The following POMGNT1 variants were observed in gnomAD, a reference collection of about 807,000 sequenced individuals.
The protein encoded by POMGNT1 is protein O-linked-mannose beta-1,2-N-acetylglucosaminyltransferase 1.
A neutral mutation model predicts 95.6 loss-of-function variants in POMGNT1; 67 were observed. The observed-to-expected ratio is 0.70, with a 90% CI of 0.58 to 0.86. The LOEUF is 0.86. Among genes scored for constraint, POMGNT1 ranks in the 40% least tolerant of loss-of-function variants. POMGNT1 has a pLI of 0.00. For synonymous variants in POMGNT1, 298 were observed against 317.9 expected (o/e 0.94, Z 0.66); for missense variants, 719 against 855.2 (o/e 0.84, Z 1.99).
Position 46,197,786 on chromosome 1 carries a change from G to A in POMGNT1, c.36C>T (p.Pro12=). The A allele has an allele frequency of 6.2e-7, 1 of 1,614,176 alleles. No homozygotes were observed. The highest frequency in any genetic ancestry group is 8.5e-7 in the Non-Finnish European group (1 of 1,180,022). The change falls in exon 2 of 22, where the codon CCC becomes CCT. Residue 12 remains proline, a synonymous_variant. Coordinates refer to ENST00000371984, the MANE Select transcript of POMGNT1 (RefSeq NM_017739.4). The part of the protein sequence containing the change: ...DDWKPSPLIK[P]FGARKKRSWY... ...AGCTCCGCTTCTTCCGAGCCCCAAA[G>A]GGCTTGATGAGGGGGCTGGGCTTCC... is the stretch of plus-strand genomic sequence containing the variant.
chr1:46,201,130 CAAAA>C (rs1004457806), upstream of POMGNT1, among the ~76,000 whole-genome samples: 1 of 145,674 alleles, frequency 6.9e-6, no homozygotes, highest in Non-Finnish European at 1.5e-5. Flanking sequence ...GACTCTGTCT[CAAAA>C]AAAAAAGACA....
chr1:46,215,225 CAA>C (rs35554687), intron 1 of POMGNT1, among the ~76,000 whole-genome samples: 38 of 75,586 alleles, frequency 5.0e-4, no homozygotes, highest in Middle Eastern at 8.5e-3. Context: ...AACTCTGTCT[CAA>C]AAAAAAAAAA....
chr1:46,195,105 A>G, intron 6 of POMGNT1, 144 bp from the exon 7 acceptor site: 1 of 771,322 alleles, frequency 1.3e-6, no homozygotes, highest in Non-Finnish European at 2.2e-6. Flanking sequence ...TCTCTTTCAC[A>G]GATAAAATAA....
At chr1:46,190,873 A>T in intron 17 of POMGNT1, 89 bp from the exon 18 acceptor site, 1 of 1,251,882 alleles carries the variant, frequency 8.0e-7, no homozygotes, top group Non-Finnish European at 1.2e-6. Flanking sequence ...TAAGACACAC[A>T]AATGAAGTCC....
At chr1:46,219,567 C>T in intron 1 of POMGNT1, 1 of 998,200 alleles carries the variant, frequency 1.0e-6, no homozygotes, top group South Asian at 1.8e-5. Context: ...GAAGCCTACA[C>T]TGCAAGCCGT....
rs1414031529 is a variant in POMGNT1 at position 46,189,875 on chromosome 1, G to A, written c.1764C>T (p.Thr588=). The A allele has an allele frequency of 1.2e-6, 2 of 1,613,904 alleles. No homozygotes were observed. Among genetic ancestry groups the A allele is most frequent in the Non-Finnish European group, 1.7e-6 (2 of 1,180,004 alleles). The part of the protein sequence containing the change: ...FIRMEKDDDF[T]TWTQLAKCLH... ...GCACCTTGGCAAGCTGGGTCCAGGT[G>A]GTGAAGTCATCATCTTTCTCCATTC... is the stretch of plus-strand genomic sequence containing the variant. Residue 588 remains threonine, a synonymous_variant, in exon 20 of 22, where the codon ACC becomes ACT. Transcript: ENST00000371984.
In POMGNT1 at chr1:46,192,406, G is replaced by C. The variant is rs1657851578; in HGVS notation, c.1315C>G (p.Leu439Val). 2 of 1,614,086 alleles carry C rather than the reference G, an allele frequency of 1.2e-6. No homozygotes were observed. Among genetic ancestry groups the C allele is most frequent in the African/African-American group, 1.3e-5 (1 of 74,920 alleles). Reference protein sequence around the residue: ...GYEHTAEDPALLYRVETMPGL... With the variant: ...GYEHTAEDPAVLYRVETMPGL... ...GGCATGGTCTCCACACGGTACAGTA[G>C]TGCTGGGTCCTCAGCCGTGTGTTCA... The change falls in exon 16 of 22, where the codon CTA (leucine) becomes GTA (valine). Residue 439 changes from leucine (L) to valine (V), a missense_variant. Physicochemically the swap from Leu to Val is conservative, Grantham distance 32. Around this residue, in one of 5 missense-constraint regions of POMGNT1, gnomAD observed 118 missense variants for 153.6 expected, o/e 0.77. Coordinates refer to ENST00000371984, the MANE Select transcript of POMGNT1 (RefSeq NM_017739.4).
chr1:46,199,453 C>T (rs992150326), upstream of POMGNT1, among the ~76,000 whole-genome samples: 6 of 152,196 alleles, frequency 3.9e-5, no homozygotes, highest in Non-Finnish European at 5.9e-5. Flanking sequence ...CTTTAGCTTG[C>T]GTCAGAATCA....
intron 17 of POMGNT1, 38 bp downstream of exon 17, chr1:46,192,060 C>A: frequency 6.3e-7 from 1 of 1,596,246 alleles, no homozygotes; most frequent in South Asian, 1.1e-5. Flanking sequence ...TCTTGACTGT[C>A]ATGCCACACT....
intron 13 of POMGNT1, 28 bp downstream of exon 13, chr1:46,193,146 G>A (rs747604514): frequency 8.1e-6 from 13 of 1,613,944 alleles, no homozygotes; most frequent in Non-Finnish European, 1.0e-5. Flanking sequence ...CCCCTCCCAG[G>A]CCCAAGAGTT....
chr1:46,219,886 GCCTGCCAGACA>G, exon 1 of POMGNT1: 1 of 1,613,862 alleles, frequency 6.2e-7, no homozygotes, highest in Non-Finnish European at 8.5e-7. Context: ...AGCTGGGACA[GCCTGCCAGACA>G]CCAGCACCAC....
At chr1:46,214,867 CAAAAAA>C (rs5773905) in intron 1 of POMGNT1, among the ~76,000 whole-genome samples, 1 of 89,546 alleles carries the variant, frequency 1.1e-5, no homozygotes, top group Non-Finnish European at 2.0e-5. Context: ...GACTCCATCT[CAAAAAA>C]AAAAAAAAAA....
Position 46,192,595 on chromosome 1 carries a change from G to A in POMGNT1, c.1212-5C>T, listed in dbSNP as rs2148187757. Reference sequence around the variant, plus strand: ...TGGATGGATTGGCTCAGGAAACTGAGAGAGGCAGGGTCAAAGAGTTCAGGG... The same window carrying A: ...TGGATGGATTGGCTCAGGAAACTGAAAGAGGCAGGGTCAAAGAGTTCAGGG... On this transcript the variant is annotated splice_polypyrimidine_tract_variant and splice_region_variant and intron_variant, in intron 14 of 21. Coordinates refer to ENST00000371984, the MANE Select transcript of POMGNT1 (RefSeq NM_017739.4). The A allele has an allele frequency of 1.2e-6, 2 of 1,613,918 alleles. No homozygotes were observed. Among genetic ancestry groups the A allele is most frequent in the Non-Finnish European group, 1.7e-6 (2 of 1,179,996 alleles).
At chr1:46,213,995 G>A (rs980838193) in intron 1 of POMGNT1, among the ~76,000 whole-genome samples, 2 of 152,208 alleles carry the variant, frequency 1.3e-5, no homozygotes, top group East Asian at 3.9e-4. Context: ...TGAAGGGTGA[G>A]CAGCAGTTAA....
Position 46,197,794 on chromosome 1 carries a change from T to A in POMGNT1, c.28A>T (p.Ile10Phe), listed in dbSNP as rs1347843453. The A allele has an allele frequency of 6.2e-7, 1 of 1,613,980 alleles. No individual in the cohort carries two copies. Among genetic ancestry groups the A allele is most frequent in the Non-Finnish European group, 8.5e-7 (1 of 1,180,002 alleles). Residue 10 changes from isoleucine to phenylalanine, a missense_variant, in exon 2 of 22, where the codon ATC becomes TTC. Physicochemically the swap from Ile to Phe is conservative, Grantham distance 21. Transcript: ENST00000371984. Reference sequence around the variant, plus strand: ...TTCTTCCGAGCCCCAAAGGGCTTGATGAGGGGGCTGGGCTTCCAGTCGTCC... The same window carrying A: ...TTCTTCCGAGCCCCAAAGGGCTTGAAGAGGGGGCTGGGCTTCCAGTCGTCC... Reference protein sequence around the residue: MDDWKPSPLIKPFGARKKRS... With the variant: MDDWKPSPLFKPFGARKKRS...
At chr1:46,203,012 T>A (rs1030101164), upstream of POMGNT1, among the ~76,000 whole-genome samples, 1 of 146,682 alleles carries the variant, frequency 6.8e-6, no homozygotes, top group African/African-American at 2.5e-5. Context: ...CCAGGAAGAC[T>A]TCCAAGCCCT....
chr1:46,188,712 G>T lies in POMGNT1; in HGVS notation c.*558C>A. ...GAGGGCTTCTCCTTTTTTAATCAAT[G>T]ACCAACTTATCCAGCTTTGGAAATC... On this transcript the variant is annotated 3_prime_UTR_variant, in exon 22 of 22. Coordinates refer to ENST00000371984, the MANE Select transcript of POMGNT1 (RefSeq NM_017739.4). 6.3e-7 allele frequency: 1 copy of T among 1,598,924 alleles called. No homozygotes were observed. The highest frequency in any genetic ancestry group is 8.5e-7 in the Non-Finnish European group (1 of 1,170,612).
intron 7 of POMGNT1, 91 bp downstream of exon 7, chr1:46,194,753 C>T: frequency 6.2e-7 from 1 of 1,613,754 alleles, no homozygotes. Context: ...GCCACTGGCT[C>T]CTATTTGTTC....
At chr1:46,207,511 T>G (rs1658752989) in intron 1 of POMGNT1, among the ~76,000 whole-genome samples, 1 of 152,144 alleles carries the variant, frequency 6.6e-6, no homozygotes, top group African/African-American at 2.4e-5. Context: ...CACTAGCGTT[T>G]GCCACACTGA....
Sources: gnomAD v4.1 joint callset for allele counts (sites outside exome capture counted in the v4.1 genomes callset) on GRCh38, gnomAD v4.1.1 for gene constraint, gnomAD v4.1.1 regional missense constraint, MANE v1.5 for transcripts, NCBI Gene and HGNC (gene_info 2026-07-23, HGNC 2026-07-21) for gene names.